ENTREP2: variants seen among roughly 807,000 people sequenced by gnomAD.
The protein encoded by ENTREP2 is endosomal transmembrane epsin interactor 2.
At chr15:29,358,510 C>T in the ENTREP2 span, among the ~76,000 whole-genome samples, 3 of 152,180 alleles carry the variant, frequency 2.0e-5, no homozygotes. Context: ...GCAGCTTACA[C>T]TTCTGGTGCT....
chr15:29,297,576 T>C, the ENTREP2 span, among the ~76,000 whole-genome samples: 1 of 152,180 alleles, frequency 6.6e-6, no homozygotes. Flanking sequence ...AATCCAGGCA[T>C]CACACATTAA....
At chr15:29,120,999 C>G in the ENTREP2 span, 2 of 152,354 alleles carry the variant, frequency 1.3e-5, no homozygotes, top group Admixed American at 6.5e-5. Context: ...ATGAGTGGCC[C>G]TGAGCAGCGG....
At chr15:29,376,644 C>T in the ENTREP2 span, 1 of 152,458 alleles carries the variant, frequency 6.6e-6, no homozygotes, top group Non-Finnish European at 1.5e-5. Flanking sequence ...GGAGGCCTCC[C>T]TCACTGAGTG....
the ENTREP2 span, among the ~76,000 whole-genome samples, chr15:29,393,473 C>T: frequency 7.2e-5 from 11 of 152,314 alleles, no homozygotes; most frequent in Admixed American, 2.6e-4. Flanking sequence ...TACCGCCTGA[C>T]GCTGCTCCCT....
At chr15:29,596,292 C>G in the ENTREP2 span, among the ~76,000 whole-genome samples, 7 of 152,230 alleles carry the variant, frequency 4.6e-5, no homozygotes, top group African/African-American at 7.2e-5. Flanking sequence ...TGAGTTCCTA[C>G]TGAATGCTTC....
chr15:29,653,234 A>C, the ENTREP2 span, among the ~76,000 whole-genome samples: 1 of 152,220 alleles, frequency 6.6e-6, no homozygotes, highest in Admixed American at 6.5e-5. Flanking sequence ...CACACTGATT[A>C]ATACTTGAAG....
chr15:29,601,347 A>G, the ENTREP2 span, among the ~76,000 whole-genome samples: 4 of 152,012 alleles, frequency 2.6e-5, no homozygotes, highest in South Asian at 8.3e-4. Context: ...AGTTTGCATC[A>G]CTTCCAACAT....
At chr15:29,289,612 G>A in the ENTREP2 span, among the ~76,000 whole-genome samples, 92 of 152,110 alleles carry the variant, frequency 6.0e-4, no homozygotes, top group Non-Finnish European at 8.4e-4. Flanking sequence ...TTGGGAGGCC[G>A]AGGTGGGTGG....
chr15:29,515,478 C>T, the ENTREP2 span, among the ~76,000 whole-genome samples: 1 of 152,170 alleles, frequency 6.6e-6, no homozygotes, highest in East Asian at 1.9e-4. Context: ...GATTCAAATG[C>T]TCATCTCTTC....
At chr15:29,272,909 G>T in the ENTREP2 span, among the ~76,000 whole-genome samples, 1 of 152,244 alleles carries the variant, frequency 6.6e-6, no homozygotes, top group African/African-American at 2.4e-5. Flanking sequence ...CTCCATGGTT[G>T]GTGGTCTTTT....
At chr15:29,139,407 A>ATGCCTGC in the ENTREP2 span, among the ~76,000 whole-genome samples, 1 of 152,254 alleles carries the variant, frequency 6.6e-6, no homozygotes, top group African/African-American at 2.4e-5. Context: ...GTCAGTCCTG[A>ATGCCTGC]TGCCTGCTGC....
chr15:29,210,714 T>C, the ENTREP2 span, among the ~76,000 whole-genome samples: 1 of 152,152 alleles, frequency 6.6e-6, no homozygotes, highest in South Asian at 2.1e-4. Context: ...CTGCCCTAGA[T>C]CCCTCTGAGC....
the ENTREP2 span, among the ~76,000 whole-genome samples, chr15:29,142,305 G>A: frequency 6.6e-6 from 1 of 152,242 alleles, no homozygotes. Flanking sequence ...CTGGTTGACA[G>A]ATGCTCATTA....
the ENTREP2 span, among the ~76,000 whole-genome samples, chr15:29,580,959 A>G: frequency 2.6e-5 from 4 of 152,190 alleles, no homozygotes; most frequent in Non-Finnish European, 2.9e-5. Context: ...GAAATAATAT[A>G]CAAGACATTA....
the ENTREP2 span, among the ~76,000 whole-genome samples, chr15:29,147,663 G>C: frequency 6.6e-6 from 1 of 152,216 alleles, no homozygotes; most frequent in Admixed American, 6.5e-5. Context: ...ATGTTGGAGT[G>C]GATGTGAAGA....
the ENTREP2 span, among the ~76,000 whole-genome samples, chr15:29,596,363 T>G: frequency 1.3e-5 from 2 of 152,150 alleles, no homozygotes; most frequent in African/African-American, 2.4e-5. Context: ...GAATCTCCCA[T>G]GCCTGCAGTG....
chr15:29,196,376 T>G, the ENTREP2 span: 1 of 1,530,938 alleles, frequency 6.5e-7, no homozygotes, highest in Non-Finnish European at 8.8e-7. Flanking sequence ...CTTCCTAAAC[T>G]GTCTGTAAGG....
chr15:29,369,787 T>G, the ENTREP2 span, among the ~76,000 whole-genome samples: 1 of 152,260 alleles, frequency 6.6e-6, no homozygotes, highest in South Asian at 2.1e-4. Context: ...GGAGGTGGTG[T>G]CTTTAAGAAA....
the ENTREP2 span, among the ~76,000 whole-genome samples, chr15:29,235,548 A>T: frequency 6.6e-6 from 1 of 152,234 alleles, no homozygotes; most frequent in Non-Finnish European, 1.5e-5. Flanking sequence ...GACACAAAAC[A>T]TATCAAAATA....
Sources: gnomAD v4.1 joint callset for allele counts (sites outside exome capture counted in the v4.1 genomes callset) on GRCh38, gnomAD v4.1.1 for gene constraint, MANE v1.5 for transcripts, NCBI Gene and HGNC (gene_info 2026-07-23, HGNC 2026-07-21) for gene names.